Variants in RFFL observed in about 807,000 individuals in gnomAD.
RFFL encodes ring finger and FYVE like domain containing E3 ubiquitin protein ligase.
RFFL carries 16 observed loss-of-function variants against 40.4 expected under a neutral mutation model. The ratio of observed to expected loss-of-function variants is 0.40; its 90% CI spans 0.27 to 0.60. The LOEUF is 0.60. Among genes scored for constraint, RFFL ranks in the 20% least tolerant of loss-of-function variants. RFFL has a pLI of 0.47. For missense variants in RFFL, 367 were observed against 451.7 expected, an observed-to-expected ratio of 0.81 and a Z score of 1.70; for synonymous variants, 154 against 167.9, an observed-to-expected ratio of 0.92 and a Z score of 0.64.
rs2091306880 is a variant in RFFL, at chr17:35,063,674, T to G, written c.-107A>C. ...GGAGCCATGTTCAGATGAGATCATC[T>G]CAGGAACCAAGAGCAGCGGCTTTCA... On this transcript the variant is annotated 5_prime_UTR_variant, in exon 1 of 7. An upstream open reading frame in the 5' UTR loses its in-frame stop. Transcript: ENST00000394597. The G allele has an allele frequency of 6.6e-6, 1 of 152,166 alleles. No individual in the cohort carries two copies. Among genetic ancestry groups the G allele is most frequent in the African/African-American group, 2.4e-5 (1 of 41,400 alleles). The allele number at this position is 152,166 out of a possible 1,614,324, so 9.4% of individuals were successfully genotyped here.
chr17:35,075,479 G>A (rs1056158796), intron 1 of RFFL, among the ~76,000 whole-genome samples: 2 of 152,126 alleles, frequency 1.3e-5, no homozygotes, highest in East Asian at 1.9e-4. Context: ...AGACAGCTGT[G>A]TTAGGAGCCA....
At chr17:35,076,130 A>C (rs1033212081) in intron 1 of RFFL, among the ~76,000 whole-genome samples, 2 of 150,726 alleles carry the variant, frequency 1.3e-5, no homozygotes, top group African/African-American at 4.9e-5. Flanking sequence ...AATAGCTGGG[A>C]CTACAGGCGC....
intron 1 of RFFL, among the ~76,000 whole-genome samples, chr17:35,045,118 C>T (rs909757382): frequency 7.9e-5 from 12 of 151,884 alleles, no homozygotes; most frequent in South Asian, 4.2e-4. Context: ...CTCTGGAGAA[C>T]GTAAGAGGAA....
intron 3 of RFFL, chr17:35,018,899 T>G (rs2090990464): frequency 6.6e-6 from 1 of 152,254 alleles, no homozygotes; most frequent in Admixed American, 6.5e-5. Flanking sequence ...CTTTCAGATG[T>G]CCTGTTTCCT....
intron 3 of RFFL, among the ~76,000 whole-genome samples, chr17:35,019,917 G>A (rs2090998197): frequency 6.6e-6 from 1 of 152,222 alleles, no homozygotes; most frequent in African/African-American, 2.4e-5. Flanking sequence ...TGGCCTTTAT[G>A]CCTCAGTGGT....
chr17:35,011,941 A>G lies in RFFL; in HGVS notation c.*27T>C, dbSNP rs903231610. The G allele has an allele frequency of 5.0e-6, 8 of 1,609,306 alleles. No homozygotes were observed. The Admixed American group carries it at 6.7e-5, about 13-fold the overall frequency. On this transcript the variant is annotated 3_prime_UTR_variant, in exon 7 of 7. Coordinates refer to ENST00000394597, the MANE Select transcript of RFFL (RefSeq NM_001017368.2). ...AGACACCCCAGGCTATTTCCCTGTA[A>G]GGCACTGAAGAAACCGATGCAAGCT...
At chr17:35,044,393 AGTGT>A (rs2091184857) in intron 1 of RFFL, among the ~76,000 whole-genome samples, 1 of 152,126 alleles carries the variant, frequency 6.6e-6, no homozygotes, top group Non-Finnish European at 1.5e-5. Flanking sequence ...CCTTTTAATA[AGTGT>A]TGTCAGCCAG....
rs1567701807 is a variant in RFFL, at chr17:35,021,661, G to T, written c.301C>A (p.Leu101Ile). The T allele has an allele frequency of 4.3e-6, 7 of 1,614,218 alleles. No homozygotes were observed. The South Asian group carries it at 7.7e-5, about 18-fold the overall frequency. ...FRATAFQREELMKMKVKDLRD... is the reference protein window; with the variant it reads ...FRATAFQREEIMKMKVKDLRD... The stretch of plus-strand genomic sequence containing the variant: ...AAGTCCTTCACCTTCATCTTCATGA[G>T]CTCCTCTCGCTGAAAGGCTGTAGCT... Residue 101 changes from leucine to isoleucine, a missense_variant, in exon 3 of 7, where the codon CTC (leucine) becomes ATC (isoleucine). Leu to Ile is a conservative substitution (Grantham distance 5). Coordinates refer to ENST00000394597, the MANE Select transcript of RFFL (RefSeq NM_001017368.2).
intron 1 of RFFL, among the ~76,000 whole-genome samples, chr17:35,052,835 T>C (rs1369536405): frequency 1.3e-5 from 2 of 152,122 alleles, no homozygotes; most frequent in African/African-American, 2.4e-5. Flanking sequence ...GAAAGTGTAA[T>C]GTGCCACAAA....
At chr17:35,061,928 C>T (rs938862877) in intron 1 of RFFL, among the ~76,000 whole-genome samples, 2 of 151,928 alleles carry the variant, frequency 1.3e-5, no homozygotes, top group Admixed American at 6.5e-5. Flanking sequence ...GATCTGCCCA[C>T]CTCGGCCTCC....
rs1182128962 is a variant in RFFL, at chr17:35,010,555, C to G, written c.*1413G>C. 2 of 152,092 alleles carry G rather than the reference C, an allele frequency of 1.3e-5. No homozygotes were observed. Among genetic ancestry groups the G allele is most frequent in the East Asian group, 1.9e-4 (1 of 5,196 alleles). The allele number at this position is 152,092 out of a possible 1,614,324, so 9.4% of individuals were successfully genotyped here. ...GATCATAAGGTCAAGAGTTCAAGAC[C>G]AGCCTGGTGAACATGGTAAAACCCC... On this transcript the variant is annotated 3_prime_UTR_variant, in exon 7 of 7. Coordinates refer to ENST00000394597, the MANE Select transcript of RFFL (RefSeq NM_001017368.2).
At chr17:35,060,259 C>A (rs1166990668) in intron 1 of RFFL, among the ~76,000 whole-genome samples, 2 of 152,216 alleles carry the variant, frequency 1.3e-5, no homozygotes, top group East Asian at 3.8e-4. Flanking sequence ...CAACCAGGGC[C>A]TTCCCATAGG....
upstream of RFFL, among the ~76,000 whole-genome samples, chr17:35,064,280 T>C (rs1273773995): frequency 6.6e-6 from 1 of 151,698 alleles, no homozygotes; most frequent in Admixed American, 6.6e-5. Flanking sequence ...TTAAGATAGA[T>C]GCACTGGAAT....
intron 6 of RFFL, among the ~76,000 whole-genome samples, chr17:35,013,940 A>G (rs1239309221): frequency 6.6e-6 from 1 of 152,220 alleles, no homozygotes; most frequent in Admixed American, 6.5e-5. Context: ...AGAAGTAATC[A>G]GACATAAAAT....
chr17:35,026,252 AGCTCT>A (rs1204619152), intron 2 of RFFL, 117 bp downstream of exon 2: 25 of 931,398 alleles, frequency 2.7e-5, no homozygotes, highest in Non-Finnish European at 4.8e-6. Flanking sequence ...TGAAAGGGAC[AGCTCT>A]GGGTCACCAG....
At chr17:35,065,196 T>C (rs906706398), upstream of RFFL, among the ~76,000 whole-genome samples, 1 of 151,568 alleles carries the variant, frequency 6.6e-6, no homozygotes, top group Non-Finnish European at 1.5e-5. Context: ...CAGACAAATA[T>C]GGAACCTCCT....
At chr17:35,084,075 C>A (rs1431499981) in intron 1 of RFFL, among the ~76,000 whole-genome samples, 1 of 151,894 alleles carries the variant, frequency 6.6e-6, no homozygotes. Context: ...CCTGCCTCTG[C>A]TAAAAACACA....
chr17:35,058,822 A>G (rs777784271), intron 1 of RFFL, among the ~76,000 whole-genome samples: 27 of 151,964 alleles, frequency 1.8e-4, no homozygotes, highest in Non-Finnish European at 2.9e-4. Flanking sequence ...GCCCTTTTGC[A>G]ATGTGATTTT....
At chr17:35,063,107 A>G in intron 1 of RFFL, among the ~76,000 whole-genome samples, 1 of 152,176 alleles carries the variant, frequency 6.6e-6, no homozygotes, top group East Asian at 1.9e-4. Context: ...CTTTTCTAAG[A>G]TTTATATAAT....
Sources: allele counts gnomAD v4.1 joint callset (sites outside exome capture counted in the v4.1 genomes callset), GRCh38; gene constraint gnomAD v4.1.1; transcripts MANE v1.5; gene names NCBI Gene and HGNC (gene_info 2026-07-23, HGNC 2026-07-21).